The following MGAT4C variants were observed in gnomAD, a reference collection of about 807,000 sequenced individuals.
The protein encoded by MGAT4C is alpha-1,3-mannosyl-glycoprotein 4-beta-N-acetylglucosaminyltransferase C.
Under a neutral mutation model 40.1 loss-of-function variants are expected in MGAT4C, and 19 were observed. The observed-to-expected ratio is 0.47, with a 90% CI of 0.33 to 0.70. The LOEUF is 0.70. Among genes scored for constraint, MGAT4C ranks in the 30% least tolerant of loss-of-function variants. The probability of loss-of-function intolerance (pLI) is 0.02; values close to 1 mark genes in which losing one functional copy is unlikely to be tolerated. For synonymous variants in MGAT4C, 181 were observed against 187.1 expected, an observed-to-expected ratio of 0.97 and a Z score of 0.27; for missense variants, 491 against 563.2, an observed-to-expected ratio of 0.87 and a Z score of 1.30.
chr12:86,290,244 C>T (rs1044841396), intron 4 of MGAT4C, among the ~76,000 whole-genome samples: 1 of 152,034 alleles, frequency 6.6e-6, no homozygotes, highest in East Asian at 1.9e-4. Flanking sequence ...ACGGGTTTGG[C>T]CAGGCTGGTC....
intron 2 of MGAT4C, among the ~76,000 whole-genome samples, chr12:85,993,948 C>T (rs1886292195): frequency 1.3e-5 from 2 of 151,628 alleles, no homozygotes; most frequent in African/African-American, 4.9e-5. Flanking sequence ...GGCATGGGGT[C>T]CTTCCAGGGT....
chr12:86,122,313 T>C (rs1225213029), intron 1 of MGAT4C, among the ~76,000 whole-genome samples: 1 of 152,188 alleles, frequency 6.6e-6, no homozygotes, highest in Non-Finnish European at 1.5e-5. Context: ...TTTCGGTTAT[T>C]ACTTTCTTTC....
intron 2 of MGAT4C, among the ~76,000 whole-genome samples, chr12:86,558,916 A>G (rs890364158): frequency 1.3e-5 from 2 of 151,994 alleles, no homozygotes; most frequent in Admixed American, 1.3e-4. Flanking sequence ...TCACTTAAAA[A>G]TATAAACAGA....
chr12:86,518,125 A>G (rs1227002680), intron 2 of MGAT4C, among the ~76,000 whole-genome samples: 2 of 152,240 alleles, frequency 1.3e-5, no homozygotes, highest in Non-Finnish European at 2.9e-5. Flanking sequence ...AACCATTAAA[A>G]TAATGAGTCA....
intron 2 of MGAT4C, among the ~76,000 whole-genome samples, chr12:85,992,037 C>A (rs1886008389): frequency 6.6e-6 from 1 of 152,134 alleles, no homozygotes; most frequent in African/African-American, 2.4e-5. Context: ...AAAGCAACAC[C>A]CCAAAGATCC....
intron 2 of MGAT4C, among the ~76,000 whole-genome samples, chr12:86,645,391 C>T (rs542464681): frequency 1.3e-5 from 2 of 151,716 alleles, no homozygotes; most frequent in East Asian, 2.0e-4. Flanking sequence ...CATTTTTTCT[C>T]ATTAATGTTT....
intron 1 of MGAT4C, among the ~76,000 whole-genome samples, chr12:86,094,734 G>A (rs536169450): frequency 4.6e-5 from 7 of 152,116 alleles, no homozygotes; most frequent in African/African-American, 1.2e-4. Context: ...CTTGAAATTT[G>A]TGATTGCTGT....
chr12:86,440,909 G>A (rs1320755540), intron 2 of MGAT4C, among the ~76,000 whole-genome samples: 1 of 151,968 alleles, frequency 6.6e-6, no homozygotes, highest in Non-Finnish European at 1.5e-5. Flanking sequence ...GCTTAAACAA[G>A]GAGGTAAAAG....
chr12:86,520,892 C>T (rs1958782744), intron 2 of MGAT4C, among the ~76,000 whole-genome samples: 1 of 151,996 alleles, frequency 6.6e-6, no homozygotes, highest in South Asian at 2.1e-4. Context: ...TATGTCTGTT[C>T]TTGTCCTCTG....
intron 2 of MGAT4C, among the ~76,000 whole-genome samples, chr12:86,501,190 G>A (rs1958333719): frequency 6.6e-6 from 1 of 151,834 alleles, no homozygotes; most frequent in African/African-American, 2.4e-5. Context: ...AATACATTCT[G>A]AGTTGATAGT....
intron 3 of MGAT4C, among the ~76,000 whole-genome samples, chr12:86,430,246 G>C (rs912568966): frequency 6.6e-6 from 1 of 152,012 alleles, no homozygotes; most frequent in Non-Finnish European, 1.5e-5. Context: ...ATCTGCTACA[G>C]ATTTCTAGAT....
intron 1 of MGAT4C, among the ~76,000 whole-genome samples, chr12:86,797,957 T>C (rs1350881188): frequency 6.6e-6 from 1 of 152,012 alleles, no homozygotes; most frequent in Non-Finnish European, 1.5e-5. Context: ...AATCTTTATG[T>C]TTATAATCAT....
intron 1 of MGAT4C, among the ~76,000 whole-genome samples, chr12:86,178,119 G>A (rs1266766959): frequency 6.6e-6 from 1 of 152,070 alleles, no homozygotes; most frequent in Non-Finnish European, 1.5e-5. Flanking sequence ...TGTATTTTTG[G>A]TAGAGACAGG....
At chr12:86,579,505 G>A (rs1419141302) in intron 2 of MGAT4C, among the ~76,000 whole-genome samples, 6 of 151,502 alleles carry the variant, frequency 4.0e-5, no homozygotes, top group Admixed American at 1.3e-4. Flanking sequence ...ATTGTACTGA[G>A]TGCGTCTTGA....
At chr12:86,781,145 A>ATG (rs1473717160) in intron 1 of MGAT4C, among the ~76,000 whole-genome samples, 1 of 152,058 alleles carries the variant, frequency 6.6e-6, no homozygotes, top group Non-Finnish European at 1.5e-5. Context: ...TTTTATATAT[A>ATG]ATAATTGATT....
At chr12:86,040,970 A>G (rs1209317306) in intron 2 of MGAT4C, among the ~76,000 whole-genome samples, 3 of 152,026 alleles carry the variant, frequency 2.0e-5, no homozygotes, top group Non-Finnish European at 4.4e-5. Flanking sequence ...AGGTGAGGCG[A>G]CGCCCCACCC....
intron 2 of MGAT4C, among the ~76,000 whole-genome samples, chr12:86,653,664 G>A (rs575703508): frequency 2.0e-4 from 31 of 151,952 alleles, no homozygotes; most frequent in African/African-American, 6.7e-4. Flanking sequence ...TATCTTTCTT[G>A]TATAACAATA....
At chr12:86,551,150 G>C (rs2136396410) in intron 2 of MGAT4C, among the ~76,000 whole-genome samples, 1 of 152,054 alleles carries the variant, frequency 6.6e-6, no homozygotes, top group Middle Eastern at 3.4e-3. Context: ...CCTTTGGTGA[G>C]CATGCCCCCA....
At chr12:86,294,318 C>T (rs1257693117) in intron 4 of MGAT4C, among the ~76,000 whole-genome samples, 1 of 151,564 alleles carries the variant, frequency 6.6e-6, no homozygotes, top group Non-Finnish European at 1.5e-5. Flanking sequence ...TCCTAGCTTT[C>T]GTCTATCATG....
Sources: gnomAD v4.1 joint callset for allele counts (sites outside exome capture counted in the v4.1 genomes callset) on GRCh38, gnomAD v4.1.1 for gene constraint, MANE v1.5 for transcripts, NCBI Gene and HGNC (gene_info 2026-07-23, HGNC 2026-07-21) for gene names.